The following DRC9 variants were observed in gnomAD, a reference collection of about 807,000 sequenced individuals.
DRC9 encodes dynein regulatory complex protein 9.
chr3:197,929,384 C>CACAG, the DRC9 span, among the ~76,000 whole-genome samples: 1 of 152,218 alleles, frequency 6.6e-6, no homozygotes, highest in Non-Finnish European at 1.5e-5. This position sits in a 1 kb window ranked among gnomAD's most constrained non-coding sequence, Gnocchi z 4.6. Flanking sequence ...TGCCCACATG[C>CACAG]ACAGAGCAGA....
chr3:197,932,092 C>CT, the DRC9 span: 1 of 1,474,018 alleles, frequency 6.8e-7, no homozygotes, highest in Non-Finnish European at 9.2e-7. Flanking sequence ...GGTTGGTTTG[C>CT]TTTAAAATTC....
At chr3:197,889,684 G>A in the DRC9 span, 25 of 1,614,042 alleles carry the variant, frequency 1.5e-5, no homozygotes, top group Admixed American at 5.0e-5. Context: ...ATTTCTCTCC[G>A]TATCATAGTG....
the DRC9 span, among the ~76,000 whole-genome samples, chr3:197,948,411 C>T: frequency 5.9e-5 from 9 of 152,172 alleles, no homozygotes; most frequent in Admixed American, 2.0e-4. Flanking sequence ...CAATTTGTTA[C>T]GTTAGTGTCA....
the DRC9 span, among the ~76,000 whole-genome samples, chr3:197,908,989 C>G: frequency 6.6e-6 from 1 of 150,384 alleles, no homozygotes; most frequent in Admixed American, 6.6e-5. Flanking sequence ...GATCTTCAGG[C>G]AAAGGAAGTG....
chr3:197,931,477 A>AT, the DRC9 span, among the ~76,000 whole-genome samples: 1 of 146,528 alleles, frequency 6.8e-6, no homozygotes, highest in Non-Finnish European at 1.5e-5. Flanking sequence ...GCAAGACTCC[A>AT]TCTCAAAAAA....
the DRC9 span, among the ~76,000 whole-genome samples, chr3:197,918,515 C>T: frequency 6.6e-6 from 1 of 152,080 alleles, no homozygotes; most frequent in Non-Finnish European, 1.5e-5. Context: ...CTTCAAGGTC[C>T]ACCTTATATA....
the DRC9 span, chr3:197,958,017 A>C: frequency 3.3e-5 from 5 of 152,334 alleles, no homozygotes; most frequent in Admixed American, 1.3e-4. Context: ...TCTTAGGCTT[A>C]AGATTGTTCT....
the DRC9 span, chr3:197,913,866 T>C: frequency 1.9e-6 from 3 of 1,613,778 alleles, no homozygotes; most frequent in Admixed American, 1.7e-5. Flanking sequence ...TCTTGGCTAA[T>C]GTCCCAGGGA....
At chr3:197,919,606 C>T in the DRC9 span, among the ~76,000 whole-genome samples, 14 of 152,104 alleles carry the variant, frequency 9.2e-5, no homozygotes, top group African/African-American at 1.4e-4. Flanking sequence ...ACTTGTTATT[C>T]GAATTCAGAG....
the DRC9 span, among the ~76,000 whole-genome samples, chr3:197,923,103 T>C: frequency 6.6e-6 from 1 of 152,110 alleles, no homozygotes; most frequent in East Asian, 1.9e-4. Flanking sequence ...GACTTACAGA[T>C]AATATCTTAA....
the DRC9 span, among the ~76,000 whole-genome samples, chr3:197,923,486 TG>T: frequency 6.6e-6 from 1 of 152,052 alleles, no homozygotes; most frequent in Admixed American, 6.6e-5. Context: ...CCTAGCGTTA[TG>T]GGGGGGCCAA....
chr3:197,921,613 C>CGTCTTGGTCG, the DRC9 span, among the ~76,000 whole-genome samples: 9 of 152,184 alleles, frequency 5.9e-5, no homozygotes, highest in African/African-American at 2.2e-4. Flanking sequence ...AACCTGGTTT[C>CGTCTTGGTCG]ATCTTGGTCG....
At chr3:197,938,288 G>A in the DRC9 span, among the ~76,000 whole-genome samples, 1 of 145,568 alleles carries the variant, frequency 6.9e-6, no homozygotes, top group Non-Finnish European at 1.5e-5. Context: ...TTGCACTCCA[G>A]CCTTGGTGAC....
the DRC9 span, chr3:197,950,962 G>A: frequency 1.2e-6 from 2 of 1,614,106 alleles, no homozygotes; most frequent in Non-Finnish European, 1.7e-6. Flanking sequence ...ACTTCTAAAA[G>A]GAACTATGTC....
the DRC9 span, among the ~76,000 whole-genome samples, chr3:197,942,385 C>CAAAAAAAAAAAAAAA: frequency 1.2e-4 from 2 of 17,066 alleles, no homozygotes; most frequent in African/African-American, 2.6e-4. Context: ...CTCCGTCTCA[C>CAAAAAAAAAAAAAAA]AAAAAAAAAA....
the DRC9 span, among the ~76,000 whole-genome samples, chr3:197,931,490 A>AAAACAAAC: frequency 2.6e-5 from 4 of 151,844 alleles, no homozygotes; most frequent in African/African-American, 9.7e-5. Flanking sequence ...TCAAAAAAAC[A>AAAACAAAC]AAACAAACAA....
At chr3:197,950,420 C>A in the DRC9 span, 1 of 910,186 alleles carries the variant, frequency 1.1e-6, no homozygotes, top group Admixed American at 4.4e-5. Flanking sequence ...AACGGCTGCC[C>A]GGGTTATCCC....
At chr3:197,951,524 T>C in the DRC9 span, 1 of 550,798 alleles carries the variant, frequency 1.8e-6, no homozygotes, top group South Asian at 2.0e-5. Flanking sequence ...GGCTAGTTTT[T>C]GTATTATTAG....
At chr3:197,953,526 G>T in the DRC9 span, 1 of 457,082 alleles carries the variant, frequency 2.2e-6, no homozygotes, top group Non-Finnish European at 4.4e-6. Context: ...CTTTCTTCCG[G>T]CCAGGACACA....
Sources: gnomAD v4.1 joint callset for allele counts (sites outside exome capture counted in the v4.1 genomes callset) on GRCh38, gnomAD v4.1.1 for gene constraint, Gnocchi (gnomAD v3.1) non-coding constraint, MANE v1.5 for transcripts, NCBI Gene and HGNC (gene_info 2026-07-23, HGNC 2026-07-21) for gene names.